The following PLEC variants were observed in gnomAD, a reference collection of about 807,000 sequenced individuals.
The protein encoded by PLEC is plectin.
A neutral mutation model predicts 392.8 loss-of-function variants in PLEC; 216 were observed. The observed-to-expected ratio is 0.55, with a 90% CI of 0.49 to 0.62. PLEC has a LOEUF of 0.62. PLEC is among the 20% of genes least tolerant of loss of function. The pLI, the probability that PLEC is intolerant of heterozygous loss-of-function variation, is 0.00. For missense variants in PLEC, 6,863 were observed against 6,563.4 expected (o/e 1.05, Z -1.58); for synonymous variants, 3,621 against 2,980.6 (o/e 1.21, Z -7.00).
rs199865222 is a variant in PLEC, at chr8:143,933,220, C to T, written c.1395G>A (p.Pro465=). Reference sequence around the variant, plus strand: ...ACCTGCGGTACATCTGCTCGCCCTGCGGGTGCCGTCCATCCTTGAGGGTCT... The same window carrying T: ...ACCTGCGGTACATCTGCTCGCCCTGTGGGTGCCGTCCATCCTTGAGGGTCT... ...DVQTLKDGRH[P]QGEQMYRRVY... Residue 465 remains proline, a synonymous_variant, in exon 13 of 32, where the codon CCG becomes CCA. Transcript: ENST00000345136. 2.7e-5 allele frequency: 44 copies of T among 1,612,822 alleles called. No homozygotes were observed. The highest frequency in any genetic ancestry group is 8.0e-5 in the African/African-American group (6 of 75,048).
At chr8:143,959,255 G>A (rs1832752101) in intron 1 of PLEC, among the ~76,000 whole-genome samples, 1 of 152,222 alleles carries the variant, frequency 6.6e-6, no homozygotes, top group Non-Finnish European at 1.5e-5. Flanking sequence ...CTGGAGCTCA[G>A]AGAAAGTTCA....
At chr8:143,933,448 C>T (rs1828010689) in intron 12 of PLEC, 97 bp from the exon 13 acceptor site, 1 of 1,420,222 alleles carries the variant, frequency 7.0e-7, no homozygotes, top group South Asian at 1.1e-5. Context: ...CTTCCTCAGC[C>T]TCAGTGGGCC....
At position 143,925,494 on chromosome 8, in the gene PLEC, G is replaced by C. The variant is rs782801825; in HGVS notation, c.4435C>G (p.Arg1479Gly). The change falls in exon 31 of 32, where the codon CGT (arginine) becomes GGT (glycine). Residue 1479 changes from arginine to glycine, a missense_variant. Coordinates refer to ENST00000345136, the MANE Select transcript of PLEC (RefSeq NM_201384.3). ...GGAEGELQAL[R>G]ARAEEAEAQK... ...GCCTCAGCCTCCTCCGCCCGTGCAC[G>C]CAGTGCCTGCAGCTCCCCCTCAGCC... The C allele has an allele frequency of 8.8e-6, 14 of 1,595,654 alleles. No homozygotes were observed. In the East Asian group the frequency reaches 3.1e-4, roughly 36 times the overall value.
Position 143,922,599 on chromosome 8 carries a change from C to A in PLEC, c.7330G>T (p.Asp2444Tyr), listed in dbSNP as rs371885759. 1.9e-6 allele frequency: 3 copies of A among 1,613,582 alleles called. No individual in the cohort carries two copies. Among genetic ancestry groups the A allele is most frequent in the Non-Finnish European group, 2.5e-6 (3 of 1,180,000 alleles). Residue 2444 changes from aspartate to tyrosine, a missense_variant, in exon 31 of 32, where the codon GAT becomes TAT. Coordinates refer to ENST00000345136, the MANE Select transcript of PLEC (RefSeq NM_201384.3). ...ATGGCCTCCCGCAGGCGCTCGGCAT[C>A]ATGGTCACTCTGCTGTCGCTGGATC... is the stretch of plus-strand genomic sequence containing the variant. ...LEIQRQQSDH[D>Y]AERLREAIAE...
chr8:143,943,928 G>T (rs781824184), upstream of PLEC: 82 of 1,600,784 alleles, frequency 5.1e-5, no homozygotes, highest in Admixed American at 4.1e-4. Context: ...CCCTTCCTGC[G>T]CTGGGAACCG....
upstream of PLEC, chr8:143,942,638 C>A: frequency 8.5e-7 from 1 of 1,174,058 alleles, no homozygotes; most frequent in Non-Finnish European, 1.1e-6. Context: ...TCTTCCACCT[C>A]CCCCCCACAA....
chr8:143,949,399 C>T (rs917895360), intron 1 of PLEC, among the ~76,000 whole-genome samples: 4 of 152,200 alleles, frequency 2.6e-5, no homozygotes, highest in South Asian at 2.1e-4. Context: ...GGGGACACAT[C>T]TGCCCACCTG....
Position 143,945,808 on chromosome 8 carries a change from G to A in PLEC, c.523+4376C>T, listed in dbSNP as rs1018868656. On this transcript the variant is annotated intron_variant, in intron 1 of 31. Coordinates refer to the PLEC transcript ENST00000322810. ...GAAGCCCGCGGACAACAAGAGGGCC[G>A]GGCCCACCCCAGCCTCCTGCTCTCC... Among the ~76,000 whole-genome samples, 20 of 152,352 alleles carry A rather than the reference G, an allele frequency of 1.3e-4. No homozygotes were observed. The East Asian group carries it at 2.1e-3, about 16-fold the overall frequency.
Position 143,915,283 on chromosome 8 carries a change from A to G in PLEC, c.*894T>C, listed in dbSNP as rs1261634156. 1 of 152,644 alleles carries G rather than the reference A, an allele frequency of 6.6e-6. No homozygotes were observed. Among genetic ancestry groups the G allele is most frequent in the Non-Finnish European group, 1.5e-5 (1 of 68,220 alleles). 9.5% of individuals were successfully genotyped at this position (152,644 alleles called of 1,614,324 possible). On this transcript the variant is annotated 3_prime_UTR_variant, in exon 32 of 32. Coordinates refer to ENST00000345136, the MANE Select transcript of PLEC (RefSeq NM_201384.3). Reference sequence around the variant, plus strand: ...GCCACCCGCCCGGGGTTAGTGGAACATGCAAAGCTCAGAGGGTGGAGGCAG... The same window carrying G: ...GCCACCCGCCCGGGGTTAGTGGAACGTGCAAAGCTCAGAGGGTGGAGGCAG...
rs1554707336 is a variant in PLEC at position 143,927,417 on chromosome 8, T to TGCCGCAGCTGCTCCC, written c.3734_3748dup (p.Arg1245_Arg1249dup). The TGCCGCAGCTGCTCCC allele has an allele frequency of 1.2e-6, 2 of 1,603,820 alleles. No individual in the cohort carries two copies. The highest frequency in any genetic ancestry group is 2.7e-5 in the African/African-American group (2 of 74,922). On this transcript the variant is annotated inframe_insertion, in exon 27 of 32. Coordinates refer to ENST00000345136, the MANE Select transcript of PLEC (RefSeq NM_201384.3). ...CCACCGACCCAAGCCCACCTGCTCC[T>TGCCGCAGCTGCTCCC]GCCGCAGCTGCTCCCGCACAGCCTG...
In PLEC at chr8:143,917,326, G is replaced by C. The variant is rs782564756; in HGVS notation, c.12495C>G (p.His4165Gln). The change falls in exon 32 of 32, where the codon CAC becomes CAG. Residue 4165 changes from histidine (H) to glutamine (Q), a missense_variant. Coordinates refer to ENST00000345136, the MANE Select transcript of PLEC (RefSeq NM_201384.3). The part of the protein sequence containing the change: ...YEAYRKGLID[H>Q]QTYLELSEQE... ...GCTCGGACAGCTCCAGGTACGTCTG[G>C]TGGTCAATCAGGCCCTTGCGGTAGG... 2.5e-6 allele frequency: 4 copies of C among 1,609,808 alleles called. No homozygotes were observed. In the East Asian group the frequency reaches 8.9e-5, roughly 36 times the overall value.
At chr8:143,961,289 G>A (rs1174016956) in intron 1 of PLEC, among the ~76,000 whole-genome samples, 2 of 151,402 alleles carry the variant, frequency 1.3e-5, no homozygotes, top group Admixed American at 6.6e-5. Flanking sequence ...GCAATGGCGC[G>A]ATCTCAGCTC....
At position 143,917,923 on chromosome 8, in the gene PLEC, G is replaced by A; in HGVS notation, c.11898C>T (p.Leu3966=). 6.2e-7 allele frequency: 1 copy of A among 1,612,990 alleles called. No individual in the cohort carries two copies. Residue 3966 remains leucine, a synonymous_variant, in exon 32 of 32, where the codon CTC becomes CTT. Transcript: ENST00000345136. ...GIIRPGTAFE[L]LEAQAATGYV... Reference sequence around the variant, plus strand: ...AACCGGTGGCCGCCTGCGCCTCCAGGAGCTCAAAGGCTGTGCCGGGGCGGA... The same window carrying A: ...AACCGGTGGCCGCCTGCGCCTCCAGAAGCTCAAAGGCTGTGCCGGGGCGGA...
intron 25 of PLEC, 117 bp from the exon 26 acceptor site, chr8:143,928,109 G>C (rs138263219): frequency 7.7e-7 from 1 of 1,301,420 alleles, no homozygotes; most frequent in Non-Finnish European, 1.0e-6. Flanking sequence ...CCCAACCCTG[G>C]GGGTCAGCTG....
In PLEC at chr8:143,921,551, C is replaced by T; in HGVS notation, c.8270G>A (p.Gly2757Asp). 1.9e-6 allele frequency: 3 copies of T among 1,612,692 alleles called. No individual in the cohort carries two copies. Among genetic ancestry groups the T allele is most frequent in the Non-Finnish European group, 2.5e-6 (3 of 1,179,636 alleles). ...RLTVNEAVKE[G>D]VVGPELHHKL... is the part of the protein sequence containing the mutation. ...GTGGTGCAGCTCGGGGCCCACCACA[C>T]CCTCCTTCACAGCCTCGTTGACGGT... is the stretch of plus-strand genomic sequence containing the variant. Residue 2757 changes from glycine to aspartate, a missense_variant, in exon 32 of 32, where the codon GGT becomes GAT. By Grantham distance (94) the Gly-to-Asp change is moderately conservative (BLOSUM62 -1). Transcript: ENST00000345136.
upstream of PLEC, among the ~76,000 whole-genome samples, chr8:143,941,384 T>TA (rs1830423643): frequency 6.6e-6 from 1 of 151,478 alleles, no homozygotes; most frequent in Non-Finnish European, 1.5e-5. Flanking sequence ...TCCCTGCCAC[T>TA]AACAGGCCTC....
upstream of PLEC, among the ~76,000 whole-genome samples, chr8:143,974,101 G>A (rs1426528617): frequency 1.3e-5 from 2 of 152,236 alleles, no homozygotes; most frequent in African/African-American, 4.8e-5. This position sits in a 1 kb window ranked among gnomAD's most constrained non-coding sequence, Gnocchi z 5.9. Context: ...TGTCTGGGAT[G>A]CCCCTGGCCG....
intron 3 of PLEC, chr8:143,937,769 C>T (rs548566667): frequency 2.0e-5 from 10 of 504,562 alleles, no homozygotes; most frequent in South Asian, 1.4e-4. Flanking sequence ...CTCCTGCTTA[C>T]GTCCCGCTCC....
chr8:143,937,336 G>A (rs2132203473), intron 3 of PLEC, 94 bp from the exon 4 acceptor site: 1 of 934,818 alleles, frequency 1.1e-6, no homozygotes, highest in East Asian at 2.5e-5. Context: ...CCGAGCCAAG[G>A]GTCTTCCCCA....
Sources: allele counts gnomAD v4.1 joint callset (sites outside exome capture counted in the v4.1 genomes callset), GRCh38; gene constraint gnomAD v4.1.1; non-coding constraint Gnocchi (gnomAD v3.1); transcripts MANE v1.5; gene names NCBI Gene and HGNC (gene_info 2026-07-23, HGNC 2026-07-21).